ANKRD54: variants seen among roughly 807,000 people sequenced by gnomAD.
The protein encoded by ANKRD54 is ankyrin repeat domain-containing protein 54.
A neutral mutation model predicts 36.2 loss-of-function variants in ANKRD54; 26 were observed. The observed-to-expected ratio is 0.72, with a 90% CI of 0.53 to 1.00. The LOEUF (loss-of-function observed/expected upper bound fraction) is 1.00. Ranked by LOEUF, ANKRD54 falls within the 50% of genes least tolerant of loss-of-function variation. The pLI, the probability that ANKRD54 is intolerant of heterozygous loss-of-function variation, is 0.00. For synonymous variants in ANKRD54, 209 were observed against 188.4 expected, an observed-to-expected ratio of 1.11 and a Z score of -0.89; for missense variants, 384 against 424.3, an observed-to-expected ratio of 0.91 and a Z score of 0.83.
intron 4 of ANKRD54, 35 bp from the exon 5 acceptor site, chr22:37,833,241 A>G: frequency 6.2e-7 from 1 of 1,610,330 alleles, no homozygotes; most frequent in South Asian, 1.1e-5. Context: ...AGAATCCAGG[A>G]CCACCAGAGC....
At chr22:37,835,903 G>A (rs1310418747) in intron 3 of ANKRD54, among the ~76,000 whole-genome samples, 1 of 152,048 alleles carries the variant, frequency 6.6e-6, no homozygotes, top group East Asian at 1.9e-4. Context: ...GCAGTCACGC[G>A]ATCTCGGCTC....
At chr22:37,843,038 C>T (rs1272235588) in intron 1 of ANKRD54, among the ~76,000 whole-genome samples, 2 of 152,216 alleles carry the variant, frequency 1.3e-5, no homozygotes, top group Admixed American at 6.5e-5. Context: ...GACAGATGAT[C>T]ATGTATCAGC....
intron 4 of ANKRD54, 32 bp from the exon 5 acceptor site, chr22:37,833,238 A>C: frequency 1.2e-6 from 2 of 1,611,250 alleles, no homozygotes; most frequent in Non-Finnish European, 1.7e-6. Context: ...TTAAGAATCC[A>C]GGACCACCAG....
rs1923113647 is a variant in ANKRD54 at position 37,833,180 on chromosome 22, T to C, written c.574A>G (p.Ile192Val). 4 of 1,613,678 alleles carry C rather than the reference T, an allele frequency of 2.5e-6. No individual in the cohort carries two copies. The highest frequency in any genetic ancestry group is 8.5e-7 in the Non-Finnish European group (1 of 1,180,024). The stretch of plus-strand genomic sequence containing the variant: ...ATACCTCCTCGTAGCAGTGTGGTGA[T>C]GACAGGAACGTGGTTGGTGCAGGCC... ...LAACTNHVPV[I>V]TTLLRGGARV... Residue 192 changes from isoleucine (I) to valine (V), a missense_variant, in exon 5 of 8, where the codon ATC becomes GTC. Ile to Val is a conservative substitution (Grantham distance 29). Coordinates refer to ENST00000215941, the MANE Select transcript of ANKRD54 (RefSeq NM_138797.4).
chr22:37,832,747 G>T lies in ANKRD54; in HGVS notation c.721-3C>A. 6.2e-7 allele frequency: 1 copy of T among 1,614,052 alleles called. No individual in the cohort carries two copies. The highest frequency in any genetic ancestry group is 2.2e-5 in the East Asian group (1 of 44,886). ...TACTCCCTCAGCATATGGATGATCT[G>T]GAACAAGAGGGTGAGCTGAGCTGCC... On this transcript the variant is annotated splice_polypyrimidine_tract_variant and splice_region_variant and intron_variant, in intron 6 of 7. Transcript: ENST00000215941.
chr22:37,840,577 AAC>A (rs1385863643), intron 1 of ANKRD54, among the ~76,000 whole-genome samples: 1 of 142,268 alleles, frequency 7.0e-6, no homozygotes, highest in Non-Finnish European at 1.5e-5. Context: ...CAAACAAACA[AAC>A]ACACACAAAA....
At position 37,841,251 on chromosome 22, in the gene ANKRD54, C is replaced by T. The variant is rs148847083; in HGVS notation, c.329-1017G>A. Among the ~76,000 whole-genome samples, 103 of 152,038 alleles carry T rather than the reference C, an allele frequency of 6.8e-4. 1 individual carries two copies. In the Middle Eastern group the frequency reaches 0.014, roughly 20 times the overall value. On this transcript the variant is annotated intron_variant, in intron 1 of 7. Transcript: ENST00000215941. ...TACTAAAAATACAAAACTAGCCATACGTGGTGACTCACGCCTGTAATCCCA... is the reference window on the plus strand; with the variant it reads ...TACTAAAAATACAAAACTAGCCATATGTGGTGACTCACGCCTGTAATCCCA...
At chr22:37,841,919 C>T (rs1020688689) in intron 1 of ANKRD54, among the ~76,000 whole-genome samples, 7 of 150,806 alleles carry the variant, frequency 4.6e-5, no homozygotes, top group Non-Finnish European at 4.4e-5. Flanking sequence ...CAAAAATTAG[C>T]CGGGTGTGGT....
At chr22:37,834,763 T>G (rs1254732000) in intron 3 of ANKRD54, 1 of 140,340 alleles carries the variant, frequency 7.1e-6, no homozygotes, top group African/African-American at 2.7e-5. Context: ...ATTGGATTCA[T>G]TAAAATTAAG....
rs1006478470 is a variant in ANKRD54 at position 37,843,935 on chromosome 22, C to G, written c.304G>C (p.Gly102Arg). 7.3e-7 allele frequency: 1 copy of G among 1,362,614 alleles called. No individual in the cohort carries two copies. Among genetic ancestry groups the G allele is most frequent in the Non-Finnish European group, 9.4e-7 (1 of 1,060,756 alleles). The allele number at this position is 1,362,614 out of a possible 1,614,324, so 84.4% of individuals were successfully genotyped here. A position where few individuals can be genotyped will look rare whatever the true frequency, so the allele number is the denominator to read the frequency against. ...CCGTGCACCTCCTTGCCCGTGGGCCCGAGCCGCCGGTGGGGCCTGGCAGCG... is the reference window on the plus strand; with the variant it reads ...CCGTGCACCTCCTTGCCCGTGGGCCGGAGCCGCCGGTGGGGCCTGGCAGCG... ...RRAARPHRRLGPTGKEVHALK... is the reference protein window; with the variant it reads ...RRAARPHRRLRPTGKEVHALK... Residue 102 changes from glycine (G) to arginine (R), a missense_variant, in exon 1 of 8, where the codon GGG becomes CGG. By Grantham distance (125) the Gly-to-Arg change is moderately radical. Transcript: ENST00000215941.
intron 2 of ANKRD54, among the ~76,000 whole-genome samples, chr22:37,839,373 A>T (rs942564748): frequency 4.6e-5 from 7 of 151,964 alleles, no homozygotes; most frequent in East Asian, 1.9e-4. Flanking sequence ...CAACATTTTT[A>T]AAAAATTTTT....
chr22:37,848,403 CTT>C (rs908579358), upstream of ANKRD54: 2 of 142,092 alleles, frequency 1.4e-5, no homozygotes, highest in Admixed American at 7.1e-5. Flanking sequence ...TTTTTTTTTT[CTT>C]TTTTTTTTTA....
At chr22:37,834,932 C>T (rs750725373) in intron 3 of ANKRD54, among the ~76,000 whole-genome samples, 2 of 151,110 alleles carry the variant, frequency 1.3e-5, no homozygotes, top group Non-Finnish European at 1.5e-5. Context: ...GGTGGCATAC[C>T]CCTGTAGTCT....
At chr22:37,843,212 C>G (rs548790899) in intron 1 of ANKRD54, among the ~76,000 whole-genome samples, 15 of 152,272 alleles carry the variant, frequency 9.9e-5, no homozygotes, top group African/African-American at 3.6e-4. Context: ...CACCTGAGAT[C>G]AGAAGTTCGA....
intron 3 of ANKRD54, chr22:37,834,033 G>C (rs1923227779): frequency 5.1e-6 from 2 of 393,824 alleles, no homozygotes; most frequent in Non-Finnish European, 9.6e-6. Flanking sequence ...TCCAATAGCA[G>C]CTGCTCCTGG....
chr22:37,839,723 T>C (rs769097628), intron 2 of ANKRD54, among the ~76,000 whole-genome samples: 3 of 152,150 alleles, frequency 2.0e-5, no homozygotes, highest in Non-Finnish European at 2.9e-5. Context: ...TCTCCCTATG[T>C]TGTCCAGGCT....
chr22:37,847,807 C>A, upstream of ANKRD54: 1 of 435,428 alleles, frequency 2.3e-6, no homozygotes, highest in African/African-American at 2.1e-5. Flanking sequence ...AAATTTGTGT[C>A]ACCTCTGGTG....
Position 37,840,198 on chromosome 22 carries a change from T to C in ANKRD54, c.365A>G (p.Asp122Gly), listed in dbSNP as rs2145979184. The C allele has an allele frequency of 6.2e-7, 1 of 1,614,048 alleles. No homozygotes were observed. The highest frequency in any genetic ancestry group is 1.3e-5 in the African/African-American group (1 of 75,040). The part of the protein sequence containing the change: ...KRLRDSANAN[D>G]VETVQQLLED... ...CTGTGCACACTCACCTGTTTCCACA[T>C]CATTGGCATTGGCCGAGTCCCTCAG... The change falls in exon 2 of 8, where the codon GAT (aspartate) becomes GGT (glycine). Residue 122 changes from aspartate (D) to glycine (G), a missense_variant. Physicochemically the swap from Asp to Gly is moderately conservative, Grantham distance 94. Coordinates refer to ENST00000215941, the MANE Select transcript of ANKRD54 (RefSeq NM_138797.4).
At chr22:37,843,396 C>A (rs977908304) in intron 1 of ANKRD54, among the ~76,000 whole-genome samples, 14 of 151,868 alleles carry the variant, frequency 9.2e-5, no homozygotes, top group Non-Finnish European at 1.5e-4. Flanking sequence ...GCACTCCAGC[C>A]TGGGCAACAG....
Sources: gnomAD v4.1 joint callset for allele counts (sites outside exome capture counted in the v4.1 genomes callset) on GRCh38, gnomAD v4.1.1 for gene constraint, MANE v1.5 for transcripts, NCBI Gene and HGNC (gene_info 2026-07-23, HGNC 2026-07-21) for gene names.